MNAT1: variants seen among roughly 807,000 people sequenced by gnomAD.
MNAT1 encodes the protein MNAT1 component of CDK activating kinase, also known as CDK-activating kinase assembly factor MAT1.
MNAT1 carries 43 observed loss-of-function variants against 42.0 expected under a neutral mutation model. The ratio of observed to expected loss-of-function variants is 1.02; its 90% confidence interval spans 0.80 to 1.32. MNAT1 has a LOEUF of 1.32. MNAT1 is among the 40% of genes most tolerant of loss of function. The pLI is 0.00. For synonymous variants in MNAT1, 118 were observed against 120.0 expected, an observed-to-expected ratio of 0.98 and a Z score of 0.11; for missense variants, 306 against 350.4, an observed-to-expected ratio of 0.87 and a Z score of 1.01.
At chr14:60,869,419 G>A (rs2034280614) in intron 6 of MNAT1, among the ~76,000 whole-genome samples, 1 of 151,944 alleles carries the variant, frequency 6.6e-6, no homozygotes, top group Non-Finnish European at 1.5e-5. Context: ...GCTCAGTGAG[G>A]TACCTATGAC....
intron 6 of MNAT1, 94 bp from the exon 7 acceptor site, chr14:60,879,620 G>A (rs2139462498): frequency 7.9e-7 from 1 of 1,260,766 alleles, no homozygotes; most frequent in East Asian, 2.6e-5. Context: ...TACTTCTAAT[G>A]TGAGGAATTT....
At chr14:60,882,637 T>C (rs1190474797) in intron 7 of MNAT1, among the ~76,000 whole-genome samples, 1 of 152,200 alleles carries the variant, frequency 6.6e-6, no homozygotes, top group Non-Finnish European at 1.5e-5. Flanking sequence ...GCTCTATTTT[T>C]GTTTTTTGAC....
chr14:60,779,405 T>C (rs977941639), intron 1 of MNAT1, among the ~76,000 whole-genome samples: 1 of 152,196 alleles, frequency 6.6e-6, no homozygotes, highest in Non-Finnish European at 1.5e-5. Context: ...TGATCTGTTA[T>C]GGCCAGGAAA....
At chr14:60,878,581 T>G (rs924797185) in intron 6 of MNAT1, among the ~76,000 whole-genome samples, 1 of 152,116 alleles carries the variant, frequency 6.6e-6, no homozygotes, top group African/African-American at 2.4e-5. Flanking sequence ...GCTAACTTTC[T>G]CATAATAATA....
intron 7 of MNAT1, among the ~76,000 whole-genome samples, chr14:60,897,619 A>G (rs2034984259): frequency 6.6e-6 from 1 of 152,122 alleles, no homozygotes; most frequent in East Asian, 1.9e-4. Flanking sequence ...TTTTACTGAT[A>G]CATAATATTT....
chr14:60,805,886 T>C lies in MNAT1; in HGVS notation c.317-2439T>C, dbSNP rs906268584. Among the ~76,000 whole-genome samples the C allele has an allele frequency of 8.5e-5, 13 of 152,238 alleles. 1 individual carries two copies. Among genetic ancestry groups the C allele is most frequent in the Admixed American group, 4.6e-4 (7 of 15,280 alleles). On this transcript the variant is annotated intron_variant, in intron 3 of 7. Coordinates refer to ENST00000261245, the MANE Select transcript of MNAT1 (RefSeq NM_002431.4). ...AACATGTGTTTTCAATTCATTTGGA[T>C]AAATACCTAGGTGCTTGATTGCCAG...
chr14:60,798,857 A>G (rs1399703890), intron 3 of MNAT1, among the ~76,000 whole-genome samples: 1 of 152,202 alleles, frequency 6.6e-6, no homozygotes. Flanking sequence ...CACAAAGGTT[A>G]TATACTGTGA....
At chr14:60,783,373 A>G (rs1173149686) in intron 1 of MNAT1, among the ~76,000 whole-genome samples, 1 of 152,234 alleles carries the variant, frequency 6.6e-6, no homozygotes, top group Non-Finnish European at 1.5e-5. Context: ...TATTTAGTGC[A>G]GCTTTTATTT....
intron 6 of MNAT1, among the ~76,000 whole-genome samples, chr14:60,859,970 C>G (rs761733416): frequency 7.9e-5 from 12 of 152,092 alleles, no homozygotes; most frequent in Non-Finnish European, 1.6e-4. Flanking sequence ...TAAATTTTTG[C>G]CCAAGGCTAG....
chr14:60,774,872 C>T (rs901823675), intron 1 of MNAT1, among the ~76,000 whole-genome samples: 3 of 152,066 alleles, frequency 2.0e-5, no homozygotes, highest in African/African-American at 7.2e-5. Context: ...ATGAAATAAT[C>T]AAGTATTCTG....
rs75767379 is a variant in MNAT1 at position 60,794,896 on chromosome 14, C to T, written c.90-1321C>T. Among the ~76,000 whole-genome samples, 675 of 151,826 alleles carry T rather than the reference C, an allele frequency of 4.4e-3. 9 individuals are homozygous for T. Among genetic ancestry groups the T allele is most frequent in the African/African-American group, 0.015 (604 of 41,426 alleles). ...TCTCTTTTTCCCTTTGTCTTGTATT[C>T]ATTTTTTTGTTTTGTGAAGTTTACT... On this transcript the variant is annotated intron_variant, in intron 1 of 7. Coordinates refer to ENST00000261245, the MANE Select transcript of MNAT1 (RefSeq NM_002431.4).
At chr14:60,747,393 T>C (rs1236201577) in intron 1 of MNAT1, among the ~76,000 whole-genome samples, 1 of 152,182 alleles carries the variant, frequency 6.6e-6, no homozygotes, top group East Asian at 1.9e-4. Flanking sequence ...GTATAGTCTA[T>C]TATATACCTA....
At chr14:60,912,647 G>A (rs57138643) in intron 7 of MNAT1, among the ~76,000 whole-genome samples, 89 of 152,218 alleles carry the variant, frequency 5.8e-4, no homozygotes, top group Middle Eastern at 3.4e-3. Context: ...TTGAATATTG[G>A]CCCCCACTGT....
intron 6 of MNAT1, among the ~76,000 whole-genome samples, chr14:60,857,007 C>G (rs1320529153): frequency 6.6e-6 from 1 of 152,098 alleles, no homozygotes; most frequent in Non-Finnish European, 1.5e-5. Flanking sequence ...ATCCTAGGGT[C>G]TTTAAGAATT....
intron 1 of MNAT1, among the ~76,000 whole-genome samples, chr14:60,788,828 T>C (rs1476297582): frequency 1.3e-5 from 2 of 152,172 alleles, no homozygotes; most frequent in African/African-American, 4.8e-5. Context: ...CTGGATTAGG[T>C]TTTGGTTTAA....
chr14:60,956,912 A>C (rs1252805741), intron 7 of MNAT1, among the ~76,000 whole-genome samples: 1 of 152,060 alleles, frequency 6.6e-6, no homozygotes, highest in East Asian at 1.9e-4. Flanking sequence ...GCAGCATATA[A>C]TTGGGTCTTA....
chr14:60,766,674 C>T (rs2030837172), intron 1 of MNAT1, among the ~76,000 whole-genome samples: 1 of 152,168 alleles, frequency 6.6e-6, no homozygotes, highest in African/African-American at 2.4e-5. Context: ...CGCGCCACTG[C>T]ACTCCAGCCT....
intron 7 of MNAT1, among the ~76,000 whole-genome samples, chr14:60,962,730 T>C (rs1404241754): frequency 6.6e-6 from 1 of 152,170 alleles, no homozygotes; most frequent in Non-Finnish European, 1.5e-5. Flanking sequence ...AATAAAGCAT[T>C]GTGTTCATTT....
At chr14:60,915,467 G>T (rs1165582824) in intron 7 of MNAT1, among the ~76,000 whole-genome samples, 1 of 151,940 alleles carries the variant, frequency 6.6e-6, no homozygotes, top group Non-Finnish European at 1.5e-5. Flanking sequence ...CATGTTTTTG[G>T]TGTCTCTTCA....
Sources: gnomAD v4.1 joint callset for allele counts (sites outside exome capture counted in the v4.1 genomes callset) on GRCh38, gnomAD v4.1.1 for gene constraint, MANE v1.5 for transcripts, NCBI Gene and HGNC (gene_info 2026-07-23, HGNC 2026-07-21) for gene names.